TLL1: variants seen among roughly 807,000 people sequenced by gnomAD.
TLL1 encodes the protein tolloid-like protein 1.
In TLL1, 49 loss-of-function variants were observed where a neutral mutation model predicts 128.2. The ratio of observed to expected loss-of-function variants is 0.38; its 90% CI spans 0.30 to 0.48. The LOEUF (loss-of-function observed/expected upper bound fraction) is 0.48. Among genes scored for constraint, TLL1 ranks in the 20% least tolerant of loss-of-function variants. The pLI is 0.96. For missense variants in TLL1, 1,123 were observed against 1,242.0 expected (o/e 0.90, Z 1.44); for synonymous variants, 454 against 418.8 (o/e 1.08, Z -1.03).
chr4:165,940,516 CAT>C (rs1332691416), intron 1 of TLL1, among the ~76,000 whole-genome samples: 4 of 151,868 alleles, frequency 2.6e-5, no homozygotes, highest in South Asian at 2.1e-4. Flanking sequence ...CACACTGACA[CAT>C]ATATATATTC....
chr4:165,981,603 T>C (rs1736150553), intron 1 of TLL1, among the ~76,000 whole-genome samples: 1 of 152,070 alleles, frequency 6.6e-6, no homozygotes, highest in Admixed American at 6.6e-5. Flanking sequence ...TGCAGTTATT[T>C]ATAAAGATTT....
intron 5 of TLL1, 68 bp from the exon 6 acceptor site, chr4:166,003,323 A>C: frequency 6.5e-7 from 1 of 1,547,982 alleles, no homozygotes; most frequent in Admixed American, 1.7e-5. Context: ...TTTACAAAAA[A>C]TTCACCATAT....
intron 16 of TLL1, among the ~76,000 whole-genome samples, chr4:166,067,400 A>G (rs1740619228): frequency 6.6e-6 from 1 of 151,780 alleles, no homozygotes; most frequent in Non-Finnish European, 1.5e-5. Context: ...GTCCTTAGAA[A>G]CAGTACTGTT....
intron 19 of TLL1, among the ~76,000 whole-genome samples, chr4:166,093,995 T>C (rs1443040374): frequency 6.6e-6 from 1 of 152,130 alleles, no homozygotes; most frequent in African/African-American, 2.4e-5. Context: ...AGCAAAGCAA[T>C]TGTTCAAGGT....
chr4:165,904,621 A>G (rs1579466068), intron 1 of TLL1, among the ~76,000 whole-genome samples: 1 of 152,194 alleles, frequency 6.6e-6, no homozygotes, highest in Non-Finnish European at 1.5e-5. Flanking sequence ...TCTATCAGCT[A>G]ATTAATTCCT....
chr4:165,957,265 A>G (rs1258846808), intron 1 of TLL1, among the ~76,000 whole-genome samples: 1 of 152,268 alleles, frequency 6.6e-6, no homozygotes, highest in East Asian at 1.9e-4. Context: ...GAAGGGCATT[A>G]CATAGTGGTA....
At chr4:165,949,832 G>T (rs1174536736) in intron 1 of TLL1, among the ~76,000 whole-genome samples, 2 of 151,638 alleles carry the variant, frequency 1.3e-5, no homozygotes, top group African/African-American at 4.8e-5. Flanking sequence ...TTCAAGGTGA[G>T]ATTTGGGTGG....
chr4:165,917,898 G>A (rs553084503), intron 1 of TLL1, among the ~76,000 whole-genome samples: 7 of 152,084 alleles, frequency 4.6e-5, no homozygotes, highest in Admixed American at 3.3e-4. Context: ...GTATAAGGCC[G>A]AATTAGTAAC....
intron 1 of TLL1, among the ~76,000 whole-genome samples, chr4:165,988,944 T>C (rs990917522): frequency 6.6e-5 from 10 of 152,130 alleles, no homozygotes; most frequent in Non-Finnish European, 8.8e-5. Flanking sequence ...TATAAAATTA[T>C]CTTAGTTTAT....
At chr4:165,916,798 C>T (rs1181227503) in intron 1 of TLL1, among the ~76,000 whole-genome samples, 1 of 152,060 alleles carries the variant, frequency 6.6e-6, no homozygotes, top group Non-Finnish European at 1.5e-5. Context: ...GTTCTGCTGC[C>T]TGTCTATACA....
intron 1 of TLL1, among the ~76,000 whole-genome samples, chr4:165,946,087 G>A (rs1326904904): frequency 6.6e-6 from 1 of 152,088 alleles, no homozygotes; most frequent in African/African-American, 2.4e-5. Flanking sequence ...AATGCACGTG[G>A]CCTTAAGGAG....
chr4:165,983,453 A>C (rs1263106127), intron 1 of TLL1, among the ~76,000 whole-genome samples: 1 of 151,918 alleles, frequency 6.6e-6, no homozygotes, highest in East Asian at 1.9e-4. Context: ...GGATTGATCA[A>C]TTTTGATTCA....
intron 1 of TLL1, among the ~76,000 whole-genome samples, chr4:165,965,912 G>A (rs549853081): frequency 1.3e-3 from 191 of 152,262 alleles, no homozygotes; most frequent in Middle Eastern, 3.4e-3. Flanking sequence ...CGGGTGCAGT[G>A]GCTCACACTT....
chr4:165,946,451 A>G (rs1480552071), intron 1 of TLL1, among the ~76,000 whole-genome samples: 1 of 149,466 alleles, frequency 6.7e-6, no homozygotes, highest in East Asian at 2.0e-4. Context: ...TCCCACCTCA[A>G]CCTCCCAAGT....
At chr4:166,049,788 C>G (rs1739628153) in intron 12 of TLL1, among the ~76,000 whole-genome samples, 1 of 151,294 alleles carries the variant, frequency 6.6e-6, no homozygotes. Flanking sequence ...ATTTCCTAGA[C>G]TTTACTAGAT....
In TLL1 at chr4:166,028,741, G is replaced by C. The variant is rs180819819; in HGVS notation, c.1158+3310G>C. 1.3e-3 allele frequency among the ~76,000 whole-genome samples: 198 copies of C among 152,034 alleles called. 1 individual carries two copies. The highest frequency in any genetic ancestry group is 6.2e-4 in the Non-Finnish European group (42 of 67,832). ...TATAATGAATTTCTTTATTTCTAGA[G>C]ATGGTTTGGGTTAAAACTCTATTTC... On this transcript the variant is annotated intron_variant, in intron 9 of 20. Transcript: ENST00000061240.
At chr4:165,963,464 A>G (rs1348064610) in intron 1 of TLL1, among the ~76,000 whole-genome samples, 1 of 151,626 alleles carries the variant, frequency 6.6e-6, no homozygotes, top group Admixed American at 6.6e-5. Flanking sequence ...TCAGTACTTT[A>G]TGCTTTTCAT....
At chr4:165,924,106 C>T (rs1314056426) in intron 1 of TLL1, among the ~76,000 whole-genome samples, 2 of 152,124 alleles carry the variant, frequency 1.3e-5, no homozygotes, top group African/African-American at 2.4e-5. Flanking sequence ...TTCCATGAGA[C>T]ACAACAGTAT....
At chr4:165,874,111 G>A in intron 1 of TLL1, 38 bp downstream of exon 1, 1 of 1,613,158 alleles carries the variant, frequency 6.2e-7, no homozygotes, top group Non-Finnish European at 8.5e-7. Flanking sequence ...GGCGCGCCGG[G>A]GGCCGCTGCG....
Sources: gnomAD v4.1 joint callset for allele counts (sites outside exome capture counted in the v4.1 genomes callset) on GRCh38, gnomAD v4.1.1 for gene constraint, MANE v1.5 for transcripts, NCBI Gene and HGNC (gene_info 2026-07-23, HGNC 2026-07-21) for gene names.